The following NLGN4X variants were observed in gnomAD, a reference collection of about 807,000 sequenced individuals.
NLGN4X encodes the protein neuroligin 4 X-linked, also known as neuroligin-4, X-linked.
A neutral mutation model predicts 40.3 loss-of-function variants in NLGN4X; 3 were observed. The ratio of observed to expected loss-of-function variants is 0.07; its 90% CI spans 0.03 to 0.19. NLGN4X has a LOEUF of 0.19. NLGN4X is among the 10% of genes least tolerant of loss of function. NLGN4X has a pLI of 1.00. For synonymous variants in NLGN4X, 270 were observed against 306.8 expected, an observed-to-expected ratio of 0.88 and a Z score of 1.25; for missense variants, 382 against 708.3, an observed-to-expected ratio of 0.54 and a Z score of 5.23.
chrX:6,017,438 A>C (rs967322374), intron 3 of NLGN4X, among the ~76,000 whole-genome samples: 1 of 112,052 alleles, frequency 8.9e-6, no homozygotes, highest in East Asian at 2.8e-4. Flanking sequence ...AAAATTAAAC[A>C]GCAATGAAGG....
intron 1 of NLGN4X, among the ~76,000 whole-genome samples, chrX:6,166,063 T>G (rs2040489609): frequency 8.9e-6 from 1 of 111,867 alleles, no homozygotes; most frequent in African/African-American, 3.3e-5. Context: ...CACTGAAATT[T>G]AGTATTTGCT....
At chrX:6,102,560 G>A (rs1008452895) in intron 2 of NLGN4X, among the ~76,000 whole-genome samples, 1 of 110,890 alleles carries the variant, frequency 9.0e-6, no homozygotes, top group Admixed American at 9.7e-5. Context: ...TCTTATGTGT[G>A]TGTATATAAT....
chrX:6,140,176 T>A (rs1192181307), intron 2 of NLGN4X, among the ~76,000 whole-genome samples: 4 of 111,571 alleles, frequency 3.6e-5, no homozygotes, highest in Non-Finnish European at 7.5e-5. Context: ...CAAGAGCTCC[T>A]TTGCCTGAGA....
At chrX:5,923,790 G>A (rs996557017) in intron 3 of NLGN4X, among the ~76,000 whole-genome samples, 1 of 111,428 alleles carries the variant, frequency 9.0e-6, no homozygotes, top group Non-Finnish European at 1.9e-5. Flanking sequence ...GCCTTTTGGG[G>A]AAATACTTTG....
At chrX:6,189,268 C>T (rs1338451016) in intron 1 of NLGN4X, among the ~76,000 whole-genome samples, 3 of 111,986 alleles carry the variant, frequency 2.7e-5, no homozygotes, top group Non-Finnish European at 3.8e-5. Context: ...TTTGAGAATA[C>T]TGGGAAAGGA....
At chrX:6,052,294 G>A (rs149261815) in intron 2 of NLGN4X, among the ~76,000 whole-genome samples, 4,729 of 111,902 alleles carry the variant, frequency 0.042, 220 homozygotes, top group African/African-American at 0.13. Context: ...TAATAAATGT[G>A]TGTGATTTTA....
At chrX:6,189,767 A>G (rs1922380649) in intron 1 of NLGN4X, among the ~76,000 whole-genome samples, 2 of 110,940 alleles carry the variant, frequency 1.8e-5, no homozygotes, top group African/African-American at 3.3e-5. Flanking sequence ...ATTACAACCA[A>G]TGCTGCATTG....
chrX:5,905,071 C>CAA (rs771243360), intron 4 of NLGN4X, among the ~76,000 whole-genome samples: 87 of 80,869 alleles, frequency 1.1e-3, no homozygotes, highest in Middle Eastern at 7.0e-3. Context: ...TTAAAATGTC[C>CAA]AAAAAAAAAA....
At chrX:5,947,502 G>A (rs1303763308) in intron 3 of NLGN4X, among the ~76,000 whole-genome samples, 1 of 111,625 alleles carries the variant, frequency 9.0e-6, no homozygotes, top group Non-Finnish European at 1.9e-5. Context: ...AAATTCACAG[G>A]GATAAAGGAA....
chrX:6,198,059 G>C (rs1923278427), intron 1 of NLGN4X, among the ~76,000 whole-genome samples: 1 of 99,103 alleles, frequency 1.0e-5, no homozygotes, highest in African/African-American at 4.0e-5. Flanking sequence ...GTGAAGCCCT[G>C]TCTCAAAAAA....
intron 3 of NLGN4X, among the ~76,000 whole-genome samples, chrX:5,968,893 T>C (rs981450180): frequency 2.7e-5 from 3 of 110,792 alleles, no homozygotes; most frequent in African/African-American, 6.6e-5. Context: ...CATTTAGTGA[T>C]TTCACATGAT....
chrX:6,050,367 T>A (rs1433773574), intron 2 of NLGN4X, among the ~76,000 whole-genome samples: 1 of 111,222 alleles, frequency 9.0e-6, no homozygotes, highest in Non-Finnish European at 1.9e-5. Flanking sequence ...ATCTCTGTCC[T>A]CTACCTACCT....
At chrX:6,053,168 G>A (rs185712933) in intron 2 of NLGN4X, among the ~76,000 whole-genome samples, 19 of 112,065 alleles carry the variant, frequency 1.7e-4, no homozygotes, top group Non-Finnish European at 3.4e-4. Context: ...TGCCAAGTCT[G>A]ACTTTGCCCT....
chrX:6,219,019 G>A (rs1425573250), intron 1 of NLGN4X, among the ~76,000 whole-genome samples: 1 of 36,315 alleles, frequency 2.8e-5, no homozygotes, highest in East Asian at 5.0e-4. Flanking sequence ...ATAATATATA[G>A]TAAAATCCAT....
chrX:5,980,324 C>A (rs72627599), intron 3 of NLGN4X, among the ~76,000 whole-genome samples: 18,707 of 109,185 alleles, frequency 0.17, 1,218 homozygotes, highest in East Asian at 0.27. Flanking sequence ...TTTGTGAATT[C>A]TCTTTACATT....
intron 3 of NLGN4X, among the ~76,000 whole-genome samples, chrX:5,920,227 G>A (rs1020833863): frequency 8.9e-5 from 10 of 112,113 alleles, no homozygotes; most frequent in African/African-American, 2.3e-4. Flanking sequence ...AAGGAGTCCC[G>A]GTGTAGCTGA....
intron 2 of NLGN4X, among the ~76,000 whole-genome samples, chrX:6,059,399 A>G (rs1489082467): frequency 8.9e-6 from 1 of 111,834 alleles, no homozygotes; most frequent in Non-Finnish European, 1.9e-5. Context: ...GTTGTCTTCC[A>G]TTTTTCATTA....
At chrX:6,223,319 T>A (rs751530786) in intron 1 of NLGN4X, among the ~76,000 whole-genome samples, 4 of 111,112 alleles carry the variant, frequency 3.6e-5, no homozygotes, top group South Asian at 7.7e-4. Context: ...GAACACGAGA[T>A]GTCTAAAGTT....
chrX:5,933,766 A>C (rs756627642), intron 3 of NLGN4X, among the ~76,000 whole-genome samples: 2 of 111,740 alleles, frequency 1.8e-5, no homozygotes, highest in African/African-American at 3.2e-5. Flanking sequence ...GGTAAAATTA[A>C]CGTTCAACAA....
Sources: allele counts gnomAD v4.1 joint callset (sites outside exome capture counted in the v4.1 genomes callset), GRCh38; gene constraint gnomAD v4.1.1; transcripts MANE v1.5; gene names NCBI Gene and HGNC (gene_info 2026-07-23, HGNC 2026-07-21).